Variants in SHC4 observed in about 807,000 individuals in gnomAD.
SHC4 encodes SHC-transforming protein 4.
In SHC4, 41 loss-of-function variants were observed where a neutral mutation model predicts 69.4. That is an observed-to-expected ratio of 0.59 (90% CI 0.46 to 0.77). The LOEUF is 0.77. Among genes scored for constraint, SHC4 ranks in the 30% least tolerant of loss-of-function variants. SHC4 has a pLI of 0.00. For missense variants in SHC4, 777 were observed against 783.8 expected, an observed-to-expected ratio of 0.99 and a Z score of 0.10; for synonymous variants, 318 against 299.3, an observed-to-expected ratio of 1.06 and a Z score of -0.64.
intron 1 of SHC4, among the ~76,000 whole-genome samples, chr15:48,925,599 G>A (rs1157770475): frequency 6.6e-6 from 1 of 152,188 alleles, no homozygotes; most frequent in Non-Finnish European, 1.5e-5. Context: ...AAAGTCATGT[G>A]CTGCATCAGT....
rs58956448 is a variant in SHC4 at position 48,871,666 on chromosome 15, T to C, written c.894+423A>G. Among the ~76,000 whole-genome samples the C allele has an allele frequency of 8.6e-3, 1,304 of 152,344 alleles. 72 individuals are homozygous for C. In the East Asian group the frequency reaches 0.14, roughly 17 times the overall value. ...GTTGCTCATTCCAGATTAGACTTAG[T>C]TGACTTGGTTGATATATCAAGTCCA... is the stretch of plus-strand genomic sequence containing the variant. On this transcript the variant is annotated intron_variant, in intron 5 of 11. Coordinates refer to ENST00000332408, the MANE Select transcript of SHC4 (RefSeq NM_203349.4).
intron 5 of SHC4, among the ~76,000 whole-genome samples, chr15:48,869,488 T>C (rs552120017): frequency 6.6e-6 from 1 of 152,312 alleles, no homozygotes; most frequent in South Asian, 2.1e-4. Flanking sequence ...TGGGTATGTG[T>C]TAGCAATTGT....
At chr15:48,863,425 TTGC>T (rs1271288792) in intron 6 of SHC4, among the ~76,000 whole-genome samples, 3 of 152,210 alleles carry the variant, frequency 2.0e-5, no homozygotes, top group Non-Finnish European at 4.4e-5. Context: ...TTAGCTTTAA[TTGC>T]TGCATCATAG....
intron 3 of SHC4, among the ~76,000 whole-genome samples, chr15:48,886,983 T>G (rs181117298): frequency 6.6e-6 from 1 of 152,310 alleles, no homozygotes; most frequent in East Asian, 1.9e-4. Flanking sequence ...TAGGGAAACA[T>G]TAATTGACTA....
At chr15:48,892,863 CAA>C (rs11391011) in intron 2 of SHC4, among the ~76,000 whole-genome samples, 10 of 72,838 alleles carry the variant, frequency 1.4e-4, no homozygotes, top group Non-Finnish European at 2.5e-4. Context: ...AACTCCGTCT[CAA>C]AAAAAAAAAA....
At chr15:48,905,807 T>C (rs1329732568) in intron 2 of SHC4, among the ~76,000 whole-genome samples, 1 of 152,254 alleles carries the variant, frequency 6.6e-6, no homozygotes, top group Non-Finnish European at 1.5e-5. Context: ...CTATTCTTGC[T>C]TAGGCTAGTG....
At chr15:48,914,959 T>C (rs1195104044) in intron 2 of SHC4, among the ~76,000 whole-genome samples, 1 of 152,182 alleles carries the variant, frequency 6.6e-6, no homozygotes, top group East Asian at 1.9e-4. Flanking sequence ...GTCTTTGGAT[T>C]TGACTACTGT....
Position 48,963,442 on chromosome 15 carries a change from T to A in SHC4, c.-427A>T. The A allele has an allele frequency of 5.5e-6, 1 of 182,256 alleles. No individual in the cohort carries two copies. The highest frequency in any genetic ancestry group is 1.5e-4 in the South Asian group (1 of 6,666). The allele number at this position is 182,256 out of a possible 1,614,324, so 11.3% of individuals were successfully genotyped here. On this transcript the variant is annotated 5_prime_UTR_variant, in exon 1 of 12. Transcript: ENST00000332408. ...TCCCACCCTCACCCCAGCCTTCTGTTCTGCACACAGGAACTTTCGAACCTG... is the reference window on the plus strand; with the variant it reads ...TCCCACCCTCACCCCAGCCTTCTGTACTGCACACAGGAACTTTCGAACCTG...
chr15:48,905,590 A>G (rs961765806), intron 2 of SHC4, among the ~76,000 whole-genome samples: 1 of 152,262 alleles, frequency 6.6e-6, no homozygotes, highest in Admixed American at 6.5e-5. Context: ...GAGAGATACT[A>G]GAATGTATTT....
intron 2 of SHC4, among the ~76,000 whole-genome samples, chr15:48,919,640 A>G (rs1900705560): frequency 6.6e-6 from 1 of 151,980 alleles, no homozygotes; most frequent in African/African-American, 2.4e-5. Flanking sequence ...CCATGGACCC[A>G]TGATGTCCAT....
At chr15:48,909,072 T>C (rs1900461268) in intron 2 of SHC4, among the ~76,000 whole-genome samples, 1 of 152,194 alleles carries the variant, frequency 6.6e-6, no homozygotes, top group African/African-American at 2.4e-5. Flanking sequence ...TTGTTTTTTC[T>C]AATTCTGTGA....
intron 11 of SHC4, among the ~76,000 whole-genome samples, chr15:48,830,801 C>A (rs1242195395): frequency 3.3e-5 from 5 of 152,146 alleles, no homozygotes; most frequent in African/African-American, 1.2e-4. Context: ...GCAAGCAAAC[C>A]GCCAAGGTCA....
intron 2 of SHC4, among the ~76,000 whole-genome samples, chr15:48,905,161 C>T (rs933713502): frequency 6.6e-6 from 1 of 152,180 alleles, no homozygotes; most frequent in Non-Finnish European, 1.5e-5. Flanking sequence ...AGGATCATCT[C>T]AAGATCTGTG....
intron 1 of SHC4, among the ~76,000 whole-genome samples, chr15:48,931,007 C>G (rs572756214): frequency 6.6e-6 from 1 of 152,278 alleles, no homozygotes; most frequent in African/African-American, 2.4e-5. Flanking sequence ...TTTTGTTTTC[C>G]TACTCACCTA....
chr15:48,941,482 A>G (rs1567075479), intron 1 of SHC4, among the ~76,000 whole-genome samples: 1 of 152,144 alleles, frequency 6.6e-6, no homozygotes, highest in African/African-American at 2.4e-5. Flanking sequence ...AGATAAGCTT[A>G]GGGGAGGGTG....
At chr15:48,960,293 C>T (rs1901522638) in intron 1 of SHC4, among the ~76,000 whole-genome samples, 1 of 151,984 alleles carries the variant, frequency 6.6e-6, no homozygotes, top group Non-Finnish European at 1.5e-5. Context: ...GCAGGAGGTA[C>T]AAGAGGAAAG....
chr15:48,848,101 G>A (rs188330748), intron 9 of SHC4, among the ~76,000 whole-genome samples: 1 of 151,968 alleles, frequency 6.6e-6, no homozygotes, highest in East Asian at 1.9e-4. Flanking sequence ...CTGATTTATA[G>A]GTGCCTAGGG....
At chr15:48,898,638 T>C (rs929667353) in intron 2 of SHC4, among the ~76,000 whole-genome samples, 3 of 152,218 alleles carry the variant, frequency 2.0e-5, no homozygotes, top group Non-Finnish European at 4.4e-5. Context: ...TGTGAACCCA[T>C]TAATCACACT....
intron 2 of SHC4, among the ~76,000 whole-genome samples, chr15:48,903,074 C>T (rs1417057999): frequency 6.6e-6 from 1 of 152,118 alleles, no homozygotes; most frequent in Non-Finnish European, 1.5e-5. Flanking sequence ...CAAAAACACC[C>T]ATTTTTTAAT....
Sources: allele counts gnomAD v4.1 joint callset (sites outside exome capture counted in the v4.1 genomes callset), GRCh38; gene constraint gnomAD v4.1.1; transcripts MANE v1.5; gene names NCBI Gene and HGNC (gene_info 2026-07-23, HGNC 2026-07-21).